The following PTPRG variants were observed in gnomAD, a reference collection of about 807,000 sequenced individuals.
PTPRG encodes protein tyrosine phosphatase receptor type G.
In PTPRG, 102 loss-of-function variants were observed where a neutral mutation model predicts 165.3. The ratio of observed to expected loss-of-function variants is 0.62; its 90% CI spans 0.53 to 0.73. The LOEUF (loss-of-function observed/expected upper bound fraction) is 0.73, where lower values mean the gene tolerates loss of function less well. PTPRG is among the 30% of genes least tolerant of loss of function. PTPRG has a pLI of 0.00. For synonymous variants in PTPRG, 675 were observed against 669.5 expected, an observed-to-expected ratio of 1.01 and a Z score of -0.13; for missense variants, 1,866 against 1,861.4, an observed-to-expected ratio of 1.00 and a Z score of -0.05.
At chr3:62,078,498 G>C (rs1255452068) in intron 5 of PTPRG, among the ~76,000 whole-genome samples, 2 of 152,060 alleles carry the variant, frequency 1.3e-5, no homozygotes, top group Non-Finnish European at 2.9e-5. Context: ...ACAGATTGAA[G>C]AACACATTTA....
At chr3:61,684,526 G>T (rs192942252) in intron 1 of PTPRG, among the ~76,000 whole-genome samples, 107 of 152,334 alleles carry the variant, frequency 7.0e-4, no homozygotes, top group African/African-American at 2.5e-3. Flanking sequence ...TCCAAGCCCA[G>T]AGGGGCTCTG....
intron 10 of PTPRG, among the ~76,000 whole-genome samples, chr3:62,197,227 G>A (rs1289568400): frequency 6.6e-6 from 1 of 152,120 alleles, no homozygotes; most frequent in Non-Finnish European, 1.5e-5. Context: ...GAATGATGTG[G>A]GGTAATGGAT....
chr3:61,860,255 T>G (rs763631899), intron 2 of PTPRG, among the ~76,000 whole-genome samples: 1 of 152,164 alleles, frequency 6.6e-6, no homozygotes, highest in Non-Finnish European at 1.5e-5. Context: ...AATTTTAATA[T>G]GTCCCCTAGT....
intron 5 of PTPRG, among the ~76,000 whole-genome samples, chr3:62,131,123 A>G (rs1293983146): frequency 6.6e-6 from 1 of 152,174 alleles, no homozygotes; most frequent in African/African-American, 2.4e-5. Flanking sequence ...CCTCTGCACC[A>G]CTGACATCTT....
At chr3:62,231,592 A>G (rs1210133621) in intron 14 of PTPRG, among the ~76,000 whole-genome samples, 2 of 151,828 alleles carry the variant, frequency 1.3e-5, no homozygotes, top group East Asian at 1.9e-4. Flanking sequence ...GGGGTGCTCT[A>G]TGTTTGTGTG....
chr3:62,076,432 A>G (rs567143904), intron 4 of PTPRG, among the ~76,000 whole-genome samples: 1 of 152,314 alleles, frequency 6.6e-6, no homozygotes, highest in African/African-American at 2.4e-5. Flanking sequence ...ACTTGACTTT[A>G]TGCCTAAGAA....
intron 2 of PTPRG, chr3:61,771,128 T>G (rs1211024912): frequency 6.6e-6 from 1 of 152,176 alleles, no homozygotes; most frequent in Non-Finnish European, 1.5e-5. Flanking sequence ...GAAGGTAGAT[T>G]TTTGCCTTTT....
chr3:61,969,488 C>A (rs2040339215), intron 2 of PTPRG, among the ~76,000 whole-genome samples: 3 of 152,154 alleles, frequency 2.0e-5, no homozygotes, highest in Non-Finnish European at 4.4e-5. Flanking sequence ...GTATGATACA[C>A]ATTATCCTTT....
At chr3:61,821,282 G>T (rs1212660989) in intron 2 of PTPRG, among the ~76,000 whole-genome samples, 2 of 151,770 alleles carry the variant, frequency 1.3e-5, no homozygotes, top group Admixed American at 6.6e-5. Context: ...CCCTTCTCCT[G>T]CCTCAGCCTC....
In PTPRG at chr3:62,025,017, G is replaced by C. The variant is rs79510186; in HGVS notation, c.519+21520G>C. ...TTGTTGGCATAAAAGTTATTTTCCA[G>C]GAGTATGAAAGTCATGCTTGTGACC... On this transcript the variant is annotated intron_variant, in intron 4 of 29. Transcript: ENST00000474889. Among the ~76,000 whole-genome samples, 1,350 of 152,246 alleles carry C rather than the reference G, an allele frequency of 8.9e-3. 14 individuals carry two copies. Among genetic ancestry groups the C allele is most frequent in the African/African-American group, 0.031 (1,283 of 41,532 alleles).
chr3:62,075,712 T>A (rs1017668840), intron 4 of PTPRG, among the ~76,000 whole-genome samples: 2 of 152,204 alleles, frequency 1.3e-5, no homozygotes, highest in Admixed American at 1.3e-4. Flanking sequence ...AGAACTCTGT[T>A]TACCTTTGAC....
At chr3:61,938,715 C>T (rs116377530) in intron 2 of PTPRG, among the ~76,000 whole-genome samples, 24 of 152,228 alleles carry the variant, frequency 1.6e-4, no homozygotes, top group African/African-American at 4.1e-4. Context: ...CTAATGCTTA[C>T]GCTACGTTAT....
At position 62,296,147 on chromosome 3, in the gene PTPRG, A is replaced by G. The variant is rs1251288593; in HGVS notation, c.*2840A>G. The G allele has an allele frequency of 6.6e-6, 1 of 152,078 alleles. No individual in the cohort carries two copies. Among genetic ancestry groups the G allele is most frequent in the African/African-American group, 2.4e-5 (1 of 41,446 alleles). 9.4% of individuals were successfully genotyped at this position (152,078 alleles called of 1,614,324 possible). A position where few individuals can be genotyped will look rare whatever the true frequency, so the allele number is the denominator to read the frequency against. On this transcript the variant is annotated 3_prime_UTR_variant, in exon 30 of 30. Transcript: ENST00000474889. Reference sequence around the variant, plus strand: ...GTTGCCATCAGGAGAACTCTTTCTTATATGCGATAGCCAAGATATCTTCTT... The same window carrying G: ...GTTGCCATCAGGAGAACTCTTTCTTGTATGCGATAGCCAAGATATCTTCTT...
intron 4 of PTPRG, among the ~76,000 whole-genome samples, chr3:62,054,828 G>C (rs1334583642): frequency 6.6e-6 from 1 of 152,198 alleles, no homozygotes. Context: ...ATTATACAGT[G>C]CTTACGTGAG....
At chr3:62,284,021 A>G (rs955216578) in intron 28 of PTPRG, among the ~76,000 whole-genome samples, 5 of 152,126 alleles carry the variant, frequency 3.3e-5, no homozygotes, top group Non-Finnish European at 7.4e-5. Flanking sequence ...GTTGCTACTG[A>G]ACTAAAACTT....
chr3:62,092,063 G>GACACACACAC (rs58689072), intron 5 of PTPRG, among the ~76,000 whole-genome samples: 1 of 114,874 alleles, frequency 8.7e-6, no homozygotes, highest in African/African-American at 3.5e-5. Flanking sequence ...CTTATACATG[G>GACACACACAC]ACACACACAC....
At chr3:61,832,689 TAA>T (rs869204207) in intron 2 of PTPRG, among the ~76,000 whole-genome samples, 1 of 151,996 alleles carries the variant, frequency 6.6e-6, no homozygotes, top group Admixed American at 6.5e-5. Context: ...CTTACTTTTT[TAA>T]AAAAAATATT....
chr3:61,987,760 T>C (rs935635537), intron 2 of PTPRG, among the ~76,000 whole-genome samples: 1 of 152,192 alleles, frequency 6.6e-6, no homozygotes, highest in African/African-American at 2.4e-5. Flanking sequence ...TTATTTGGTT[T>C]TTCAATGGAT....
intron 1 of PTPRG, among the ~76,000 whole-genome samples, chr3:61,747,539 A>AG (rs1239348977): frequency 2.0e-5 from 3 of 152,206 alleles, no homozygotes; most frequent in Non-Finnish European, 4.4e-5. Context: ...TTCCCTCTAA[A>AG]GGGCTCATCT....
Sources: gnomAD v4.1 joint callset for allele counts (sites outside exome capture counted in the v4.1 genomes callset) on GRCh38, gnomAD v4.1.1 for gene constraint, MANE v1.5 for transcripts, NCBI Gene and HGNC (gene_info 2026-07-23, HGNC 2026-07-21) for gene names.